Variants in TAFA2 observed in about 807,000 individuals in gnomAD.
TAFA2 encodes chemokine-like protein TAFA-2.
A neutral mutation model predicts 18.8 loss-of-function variants in TAFA2; 7 were observed. That is an observed-to-expected ratio of 0.37 (90% confidence interval 0.21 to 0.70). The LOEUF is 0.70. Ranked by LOEUF, TAFA2 falls within the 30% of genes least tolerant of loss-of-function variation. TAFA2 has a pLI of 0.53. For synonymous variants in TAFA2, 60 were observed against 54.2 expected, an observed-to-expected ratio of 1.11 and a Z score of -0.47; for missense variants, 122 against 158.1, an observed-to-expected ratio of 0.77 and a Z score of 1.23.
chr12:62,139,707 G>T (rs1441571690), intron 1 of TAFA2, among the ~76,000 whole-genome samples: 1 of 152,122 alleles, frequency 6.6e-6, no homozygotes, highest in African/African-American at 2.4e-5. Context: ...AAGAAAAAAA[G>T]ACTAAGGCCA....
intron 2 of TAFA2, among the ~76,000 whole-genome samples, chr12:61,785,319 TTGTGTGTGTGTGTGTGTG>T (rs57166010): frequency 2.9e-5 from 4 of 140,084 alleles, no homozygotes; most frequent in East Asian, 2.1e-4. Flanking sequence ...AATAGTATTC[TTGTGTGTGTGTGTGTGTG>T]TGTGTGTGTG....
chr12:61,820,229 T>G (rs1872261405), intron 2 of TAFA2, among the ~76,000 whole-genome samples: 1 of 151,968 alleles, frequency 6.6e-6, no homozygotes, highest in Non-Finnish European at 1.5e-5. Flanking sequence ...CAAGACAAGT[T>G]TATAAAATGG....
chr12:62,139,045 T>G (rs990079866), intron 1 of TAFA2, among the ~76,000 whole-genome samples: 8 of 152,128 alleles, frequency 5.3e-5, no homozygotes, highest in Non-Finnish European at 1.2e-4. Flanking sequence ...TTTAAGAAAT[T>G]GTTAGATATG....
intron 2 of TAFA2, among the ~76,000 whole-genome samples, chr12:61,820,530 G>C (rs1251685926): frequency 2.0e-5 from 3 of 151,596 alleles, no homozygotes; most frequent in Non-Finnish European, 4.4e-5. Context: ...AGAAGAGAAG[G>C]AGGAGAAAGA....
intron 1 of TAFA2, among the ~76,000 whole-genome samples, chr12:61,996,458 A>G (rs1298981439): frequency 6.6e-6 from 1 of 152,162 alleles, no homozygotes; most frequent in Admixed American, 6.5e-5. Context: ...TCGCTCAGTC[A>G]TTTCAATGTG....
intron 1 of TAFA2, among the ~76,000 whole-genome samples, chr12:62,137,614 C>T (rs567859660): frequency 6.6e-6 from 1 of 152,046 alleles, no homozygotes. Context: ...TCATGGAGTA[C>T]ATAACTAATC....
intron 1 of TAFA2, among the ~76,000 whole-genome samples, chr12:62,061,708 A>T (rs546302970): frequency 6.6e-6 from 1 of 152,240 alleles, no homozygotes. Flanking sequence ...GAGGCACCAC[A>T]TGAATAAGTT....
intron 1 of TAFA2, among the ~76,000 whole-genome samples, chr12:61,914,887 G>A (rs1468496151): frequency 6.6e-6 from 1 of 152,146 alleles, no homozygotes; most frequent in Non-Finnish European, 1.5e-5. Flanking sequence ...TGTTGGCCGG[G>A]CACAGTGGCT....
At chr12:61,994,769 G>A (rs190498820) in intron 1 of TAFA2, among the ~76,000 whole-genome samples, 39 of 152,176 alleles carry the variant, frequency 2.6e-4, no homozygotes, top group South Asian at 8.3e-4. Context: ...TGTATTCACA[G>A]CTTTCTTCTT....
intron 1 of TAFA2, among the ~76,000 whole-genome samples, chr12:61,983,383 G>GTTTGTTTTGT (rs10524394): frequency 0.074 from 10,892 of 146,676 alleles, 445 homozygotes; most frequent in Middle Eastern, 0.13. Flanking sequence ...CTGGGATTCT[G>GTTTGTTTTGT]TTTGTTTTGT....
Position 61,751,738 on chromosome 12 carries a change from C to A in TAFA2, c.384+1884G>T, listed in dbSNP as rs545876309. ...ATGTGATTTTCCCTACTCATGAGTT[C>A]TCAGTCTCTCATCCACCTTGTTTCA... On this transcript the variant is annotated intron_variant, in intron 4 of 4. Coordinates refer to ENST00000416284, the MANE Select transcript of TAFA2 (RefSeq NM_178539.5). Among the ~76,000 whole-genome samples, 7 of 152,106 alleles carry A rather than the reference C, an allele frequency of 4.6e-5. No homozygotes were observed. The South Asian group carries it at 1.2e-3, about 27-fold the overall frequency.
intron 1 of TAFA2, among the ~76,000 whole-genome samples, chr12:62,179,082 C>T (rs2062534510): frequency 6.6e-6 from 1 of 152,010 alleles, no homozygotes; most frequent in South Asian, 2.1e-4. Flanking sequence ...CAATATAGCA[C>T]TATTTAAGTA....
At position 62,076,774 on chromosome 12, in the gene TAFA2, TATA is replaced by T. The variant is rs368476850; in HGVS notation, c.-2+114482_-2+114484del. On this transcript the variant is annotated intron_variant, in intron 1 of 4. Transcript: ENST00000416284. ...GCACACAAAGCACAAGGAAGAAAGA[TATA>T]ATTGATTTCTTATCACGCAAATATC... 7.0e-4 allele frequency among the ~76,000 whole-genome samples: 107 copies of T among 152,346 alleles called. 1 individual carries two copies. Among genetic ancestry groups the T allele is most frequent in the African/African-American group, 2.5e-3 (102 of 41,590 alleles).
chr12:61,993,465 T>C (rs558731293), intron 1 of TAFA2, among the ~76,000 whole-genome samples: 20 of 152,300 alleles, frequency 1.3e-4, no homozygotes, highest in African/African-American at 4.3e-4. Context: ...TCTCATCTAG[T>C]GGCGATTGAG....
chr12:61,782,456 G>A (rs904089469), intron 2 of TAFA2, among the ~76,000 whole-genome samples: 2 of 151,582 alleles, frequency 1.3e-5, no homozygotes, highest in Admixed American at 6.6e-5. Context: ...ACTTCCAGTT[G>A]TGCCACCTTT....
chr12:61,906,682 A>C (rs1469434012), intron 1 of TAFA2, among the ~76,000 whole-genome samples: 2 of 152,206 alleles, frequency 1.3e-5, no homozygotes, highest in Non-Finnish European at 2.9e-5. Flanking sequence ...AGAAGCCAGG[A>C]AGATATGGGA....
chr12:62,042,872 G>A (rs1246786256), intron 1 of TAFA2, among the ~76,000 whole-genome samples: 1 of 151,842 alleles, frequency 6.6e-6, no homozygotes, highest in East Asian at 1.9e-4. Flanking sequence ...CCATTCCTTG[G>A]ATCTGCCCCA....
At chr12:62,096,384 G>A (rs1158025027) in intron 1 of TAFA2, among the ~76,000 whole-genome samples, 2 of 152,088 alleles carry the variant, frequency 1.3e-5, no homozygotes, top group African/African-American at 4.8e-5. Context: ...AAAGGAAACT[G>A]TTTAAAAAAT....
intron 1 of TAFA2, among the ~76,000 whole-genome samples, chr12:61,951,506 G>A (rs142138786): frequency 6.6e-5 from 10 of 152,194 alleles, no homozygotes; most frequent in African/African-American, 2.4e-4. Context: ...TTAGGCAACA[G>A]TAATTGGATG....
Sources: gnomAD v4.1 joint callset for allele counts (sites outside exome capture counted in the v4.1 genomes callset) on GRCh38, gnomAD v4.1.1 for gene constraint, MANE v1.5 for transcripts, NCBI Gene and HGNC (gene_info 2026-07-23, HGNC 2026-07-21) for gene names.